MSRA: variants seen among roughly 807,000 people sequenced by gnomAD.
MSRA encodes the protein mitochondrial peptide methionine sulfoxide reductase.
MSRA carries 54 observed loss-of-function variants against 31.3 expected under a neutral mutation model. The ratio of observed to expected loss-of-function variants is 1.73; its 90% CI spans 1.39 to 2.17. The LOEUF (loss-of-function observed/expected upper bound fraction) is 2.17, where lower values mean the gene tolerates loss of function less well. MSRA is among the 30% of genes most tolerant of loss of function. MSRA has a pLI of 0.00. For missense variants in MSRA, 507 were observed against 300.9 expected (o/e 1.69, Z -5.07); for synonymous variants, 169 against 116.5 (o/e 1.45, Z -2.90).
intron 5 of MSRA, among the ~76,000 whole-genome samples, chr8:10,417,643 A>G (rs1585734450): frequency 1.3e-5 from 2 of 150,714 alleles, no homozygotes; most frequent in African/African-American, 2.5e-5. Context: ...CATCCCAGTC[A>G]TTTCACATTT....
At chr8:10,095,774 T>C (rs1441350257) in intron 1 of MSRA, 4 of 1,174,558 alleles carry the variant, frequency 3.4e-6, no homozygotes. Flanking sequence ...AAAGTGTTGG[T>C]ACATACAATG....
chr8:10,425,426 C>T (rs1284539741), intron 5 of MSRA, among the ~76,000 whole-genome samples: 4 of 152,238 alleles, frequency 2.6e-5, no homozygotes, highest in African/African-American at 9.6e-5. Flanking sequence ...CCTGGGCCTG[C>T]AGGTGGCTGC....
At chr8:10,149,634 T>A (rs145064583) in intron 1 of MSRA, among the ~76,000 whole-genome samples, 1 of 152,152 alleles carries the variant, frequency 6.6e-6, no homozygotes, top group East Asian at 2.0e-4. Context: ...CTGTATTAAT[T>A]GTGTGTCTAC....
At chr8:10,371,599 C>T (rs1433082241) in intron 5 of MSRA, among the ~76,000 whole-genome samples, 1 of 152,130 alleles carries the variant, frequency 6.6e-6, no homozygotes, top group African/African-American at 2.4e-5. Context: ...GTGTTTGGAT[C>T]CCTTAGCATG....
chr8:10,347,821 C>A (rs895673541), intron 5 of MSRA, among the ~76,000 whole-genome samples: 4 of 152,156 alleles, frequency 2.6e-5, no homozygotes, highest in Non-Finnish European at 4.4e-5. Context: ...CATGGCAGTT[C>A]CTCCCCTCCT....
Position 10,093,762 on chromosome 8 carries a change from T to A in MSRA, c.142+39104T>A, listed in dbSNP as rs1798977084. On this transcript the variant is annotated intron_variant, in intron 1 of 5. Coordinates refer to ENST00000317173, the MANE Select transcript of MSRA (RefSeq NM_012331.5). ...ATTTACTGTCTAGTGTCTTTTCATT[T>A]CAGCTTGGTGGAAAAGTTCCTTTAT... 2.6e-5 allele frequency among the ~76,000 whole-genome samples: 4 copies of A among 152,254 alleles called. No individual in the cohort carries two copies. The South Asian group carries it at 8.3e-4, about 32-fold the overall frequency.
chr8:10,372,558 C>T (rs79638886), intron 5 of MSRA, among the ~76,000 whole-genome samples: 64 of 152,212 alleles, frequency 4.2e-4, no homozygotes, highest in African/African-American at 8.9e-4. Flanking sequence ...TTCCTAGCAA[C>T]GGTAACTATC....
At chr8:10,343,639 A>G (rs1173523839) in intron 5 of MSRA, among the ~76,000 whole-genome samples, 3 of 152,162 alleles carry the variant, frequency 2.0e-5, no homozygotes, top group Admixed American at 2.0e-4. Context: ...AACAAATGTA[A>G]ATGTAGCGCT....
intron 5 of MSRA, among the ~76,000 whole-genome samples, chr8:10,335,273 T>TTG (rs71203312): frequency 1.4e-5 from 2 of 141,862 alleles, no homozygotes; most frequent in Admixed American, 1.4e-4. Flanking sequence ...TTTTTTTTTT[T>TTG]GTAGTGTTTG....
chr8:10,269,123 T>C (rs1798896923), intron 3 of MSRA, among the ~76,000 whole-genome samples: 3 of 152,250 alleles, frequency 2.0e-5, no homozygotes, highest in Non-Finnish European at 4.4e-5. Flanking sequence ...CGATGGATTG[T>C]TACCACAAAA....
Position 10,368,063 on chromosome 8 carries a change from G to T in MSRA, c.543+48074G>T, listed in dbSNP as rs147616699. Among the ~76,000 whole-genome samples, 168 of 152,252 alleles carry T rather than the reference G, an allele frequency of 1.1e-3. 2 individuals carry two copies. The highest frequency in any genetic ancestry group is 1.4e-3 in the East Asian group (7 of 5,160). On this transcript the variant is annotated intron_variant, in intron 5 of 5. Transcript: ENST00000317173. ...AGAATTCCCTGCCCCGCGAAGGAAT[G>T]AGTGTCCTGCCACAGCAGAGCCAGG... is the stretch of plus-strand genomic sequence containing the variant.
intron 5 of MSRA, among the ~76,000 whole-genome samples, chr8:10,327,997 T>C (rs553659411): frequency 6.7e-6 from 1 of 150,154 alleles, no homozygotes; most frequent in East Asian, 2.0e-4. Flanking sequence ...TGCTTTTCTT[T>C]AGCATAGTTT....
At chr8:10,094,321 C>T (rs1029459582) in intron 1 of MSRA, among the ~76,000 whole-genome samples, 1 of 152,138 alleles carries the variant, frequency 6.6e-6, no homozygotes, top group East Asian at 1.9e-4. Flanking sequence ...ATTTGTTGGA[C>T]AGCTGTATAT....
intron 1 of MSRA, among the ~76,000 whole-genome samples, chr8:10,178,085 T>C (rs572546915): frequency 5.9e-5 from 9 of 152,312 alleles, no homozygotes; most frequent in African/African-American, 2.2e-4. Context: ...CATCTATTCC[T>C]GAGAATGGCA....
rs183949681 is a variant in MSRA at position 10,357,319 on chromosome 8, G to A, written c.543+37330G>A. 2.5e-4 allele frequency among the ~76,000 whole-genome samples: 38 copies of A among 152,302 alleles called. 1 individual carries two copies. The East Asian group carries it at 3.1e-3, about 12-fold the overall frequency. On this transcript the variant is annotated intron_variant, in intron 5 of 5. Transcript: ENST00000317173. ...TCCATTTGGGTACTCAGTGGCACAG[G>A]TCTTACAGGAAAGTCAGAATAAATG...
intron 2 of MSRA, among the ~76,000 whole-genome samples, 166 bp from the exon 3 acceptor site, chr8:10,244,938 G>A (rs1797536480): frequency 6.6e-6 from 1 of 151,990 alleles, no homozygotes; most frequent in African/African-American, 2.4e-5. Context: ...ATTTACCAAT[G>A]TTAAGAACTC....
intron 1 of MSRA, among the ~76,000 whole-genome samples, chr8:10,062,376 C>G (rs1240732769): frequency 6.6e-6 from 1 of 152,204 alleles, no homozygotes; most frequent in South Asian, 2.1e-4. Flanking sequence ...CTTCTACATG[C>G]TGCTCTTATC....
At chr8:10,204,754 C>T (rs539927537) in intron 1 of MSRA, among the ~76,000 whole-genome samples, 17 of 152,312 alleles carry the variant, frequency 1.1e-4, no homozygotes, top group African/African-American at 3.8e-4. Context: ...AGTTATCTTT[C>T]ATAATGGCTA....
intron 1 of MSRA, among the ~76,000 whole-genome samples, chr8:10,147,422 C>T (rs952420953): frequency 2.0e-5 from 3 of 152,204 alleles, no homozygotes; most frequent in African/African-American, 7.2e-5. Context: ...CTCACCACCT[C>T]TGTCCCCATG....
Sources: allele counts gnomAD v4.1 joint callset (sites outside exome capture counted in the v4.1 genomes callset), GRCh38; gene constraint gnomAD v4.1.1; transcripts MANE v1.5; gene names NCBI Gene and HGNC (gene_info 2026-07-23, HGNC 2026-07-21).